The following RBFOX1 variants were observed in gnomAD, a reference collection of about 807,000 sequenced individuals.
RBFOX1 encodes the protein RNA binding fox-1 homolog 1.
A neutral mutation model predicts 57.7 loss-of-function variants in RBFOX1; 8 were observed. The ratio of observed to expected loss-of-function variants is 0.14; its 90% CI spans 0.08 to 0.25. RBFOX1 has a LOEUF of 0.25. RBFOX1 is among the 10% of genes least tolerant of loss of function. The pLI is 1.00. For synonymous variants in RBFOX1, 326 were observed against 222.4 expected (o/e 1.47, Z -4.15); for missense variants, 611 against 548.5 (o/e 1.11, Z -1.14).
chr16:5,774,712 TCA>T (rs1425884705), intron 3 of RBFOX1, among the ~76,000 whole-genome samples: 1 of 152,204 alleles, frequency 6.6e-6, no homozygotes, highest in African/African-American at 2.4e-5. Context: ...AGATAAAGTC[TCA>T]CTCTCTCGCC....
At chr16:5,566,930 G>T (rs1027559158) in intron 2 of RBFOX1, among the ~76,000 whole-genome samples, 10 of 152,264 alleles carry the variant, frequency 6.6e-5, no homozygotes, top group African/African-American at 2.4e-4. Context: ...GACCTGGATT[G>T]ATTTCCATGT....
chr16:6,413,432 G>A (rs905913628), intron 2 of RBFOX1, among the ~76,000 whole-genome samples: 1 of 152,074 alleles, frequency 6.6e-6, no homozygotes, highest in Non-Finnish European at 1.5e-5. Context: ...CCAAAGTGCT[G>A]GGGTTACAGG....
At chr16:6,047,525 G>A (rs2095507660) in intron 1 of RBFOX1, among the ~76,000 whole-genome samples, 1 of 152,202 alleles carries the variant, frequency 6.6e-6, no homozygotes, top group South Asian at 2.1e-4. Context: ...TGCAATGCCT[G>A]GCTGTCTTCC....
chr16:6,015,007 C>A (rs1596407226), upstream of RBFOX1, among the ~76,000 whole-genome samples: 1 of 151,924 alleles, frequency 6.6e-6, no homozygotes, highest in African/African-American at 2.4e-5. Flanking sequence ...AGGTGCACAC[C>A]ACTACGCCTG....
chr16:6,730,920 C>G (rs987326366), intron 3 of RBFOX1, among the ~76,000 whole-genome samples: 1 of 152,152 alleles, frequency 6.6e-6, no homozygotes, highest in Non-Finnish European at 1.5e-5. Flanking sequence ...AGATTTCTAT[C>G]TTTGACAGGT....
chr16:6,217,840 C>T lies in RBFOX1; in HGVS notation c.-126-99155C>T, dbSNP rs1353681706. ...GACCAGCCGGGCGAACATGGCAAAA[C>T]TCTGTATCTAGTAAAACTACAAACA... On this transcript the variant is annotated intron_variant, in intron 1 of 15. Transcript: ENST00000550418. 3.3e-5 allele frequency among the ~76,000 whole-genome samples: 5 copies of T among 152,098 alleles called. 1 individual carries two copies. Among genetic ancestry groups the T allele is most frequent in the African/African-American group, 4.8e-5 (2 of 41,416 alleles).
intron 3 of RBFOX1, among the ~76,000 whole-genome samples, chr16:5,811,299 A>G (rs568072892): frequency 6.6e-6 from 1 of 151,828 alleles, no homozygotes; most frequent in East Asian, 1.9e-4. Flanking sequence ...ATGCCCAGCT[A>G]ATTTTTATAC....
At chr16:6,647,220 C>T (rs927351535) in intron 2 of RBFOX1, among the ~76,000 whole-genome samples, 2 of 152,032 alleles carry the variant, frequency 1.3e-5, no homozygotes, top group Admixed American at 1.3e-4. Context: ...GGTGTCTCTT[C>T]TTAAAAGGAT....
chr16:5,550,224 G>A (rs552145404), intron 2 of RBFOX1, among the ~76,000 whole-genome samples: 6 of 152,216 alleles, frequency 3.9e-5, no homozygotes, highest in African/African-American at 1.4e-4. Flanking sequence ...GGAGGACATT[G>A]TAGGGTAGGA....
At chr16:6,398,386 C>T (rs1248115772) in intron 2 of RBFOX1, among the ~76,000 whole-genome samples, 1 of 152,162 alleles carries the variant, frequency 6.6e-6, no homozygotes, top group Admixed American at 6.5e-5. Flanking sequence ...TTAACTTCTT[C>T]CACCATTAAC....
chr16:7,085,097 T>A (rs1316383705), intron 4 of RBFOX1, among the ~76,000 whole-genome samples: 1 of 151,268 alleles, frequency 6.6e-6, no homozygotes, highest in Non-Finnish European at 1.5e-5. Context: ...GTATCTAAAG[T>A]TGTGTGTGTG....
At position 7,394,940 on chromosome 16, in the gene RBFOX1, C is replaced by T. The variant is rs1449936964; in HGVS notation, c.28-123207C>T. 2.0e-5 allele frequency among the ~76,000 whole-genome samples: 3 copies of T among 152,136 alleles called. No homozygotes were observed. The East Asian group carries it at 5.8e-4, about 29-fold the overall frequency. On this transcript the variant is annotated intron_variant, in intron 4 of 15. Transcript: ENST00000550418. ...TACATAAATAAGGCTGTTATGCACG[C>T]ATGTGAGAATATATACCCATCATGG...
intron 5 of RBFOX1, among the ~76,000 whole-genome samples, chr16:7,566,693 C>G (rs996891648): frequency 6.6e-6 from 1 of 152,110 alleles, no homozygotes; most frequent in Non-Finnish European, 1.5e-5. Flanking sequence ...TAGCCAGTTT[C>G]ACATTTTGCT....
chr16:5,375,538 CATGGAGAT>C (rs1440302163), intron 1 of RBFOX1, among the ~76,000 whole-genome samples: 1 of 152,164 alleles, frequency 6.6e-6, no homozygotes, highest in African/African-American at 2.4e-5. Flanking sequence ...GAGGTGTGTA[CATGGAGAT>C]CTCTCATCTG....
intron 3 of RBFOX1, among the ~76,000 whole-genome samples, chr16:5,813,526 C>T (rs570774926): frequency 1.3e-5 from 2 of 152,212 alleles, no homozygotes; most frequent in Non-Finnish European, 1.5e-5. Flanking sequence ...AAACCTTGTA[C>T]ATACCATGCT....
intron 3 of RBFOX1, among the ~76,000 whole-genome samples, chr16:6,680,939 C>T (rs537452498): frequency 6.6e-6 from 1 of 152,294 alleles, no homozygotes; most frequent in African/African-American, 2.4e-5. Flanking sequence ...AATTGAGCTG[C>T]ATGATAATTG....
At chr16:6,835,903 G>A (rs1387007855) in intron 3 of RBFOX1, among the ~76,000 whole-genome samples, 1 of 151,990 alleles carries the variant, frequency 6.6e-6, no homozygotes, top group Non-Finnish European at 1.5e-5. Flanking sequence ...GCCAAAGAAA[G>A]AGAGGATCAT....
At chr16:7,420,044 C>A (rs372412656) in intron 4 of RBFOX1, among the ~76,000 whole-genome samples, 2 of 147,312 alleles carry the variant, frequency 1.4e-5, no homozygotes, top group Admixed American at 1.4e-4. Context: ...GTCACTGTTT[C>A]TTTTCATAGC....
intron 4 of RBFOX1, among the ~76,000 whole-genome samples, chr16:7,106,984 AAC>A (rs61104403): frequency 0.037 from 5,459 of 148,566 alleles, 361 homozygotes; most frequent in African/African-American, 0.13. Context: ...ACACAGTTAA[AAC>A]ACACACACAC....
Sources: gnomAD v4.1 joint callset for allele counts (sites outside exome capture counted in the v4.1 genomes callset) on GRCh38, gnomAD v4.1.1 for gene constraint, MANE v1.5 for transcripts, NCBI Gene and HGNC (gene_info 2026-07-23, HGNC 2026-07-21) for gene names.